The following MLLT3 variants were observed in gnomAD, a reference collection of about 807,000 sequenced individuals.
MLLT3 encodes MLLT3 super elongation complex subunit.
In MLLT3, 4 loss-of-function variants were observed where a neutral mutation model predicts 53.2. The observed-to-expected ratio is 0.08, with a 90% CI of 0.04 to 0.17. The LOEUF (loss-of-function observed/expected upper bound fraction) is 0.17. Among genes scored for constraint, MLLT3 ranks in the 10% least tolerant of loss-of-function variants. The pLI is 1.00. For synonymous variants in MLLT3, 283 were observed against 230.6 expected, an observed-to-expected ratio of 1.23 and a Z score of -2.06; for missense variants, 569 against 684.0, an observed-to-expected ratio of 0.83 and a Z score of 1.87.
At chr9:20,551,886 G>A (rs1231911940) in intron 2 of MLLT3, among the ~76,000 whole-genome samples, 10 of 152,094 alleles carry the variant, frequency 6.6e-5, no homozygotes, top group African/African-American at 1.9e-4. Flanking sequence ...GTAACCTCAC[G>A]AAATTCATGT....
At chr9:20,472,739 A>C (rs185429637) in intron 2 of MLLT3, among the ~76,000 whole-genome samples, 2 of 152,224 alleles carry the variant, frequency 1.3e-5, no homozygotes, top group Admixed American at 6.5e-5. Context: ...AAGCAAACCA[A>C]ATTTAGAAAT....
Position 20,414,398 on chromosome 9 carries a change from T to A in MLLT3, c.448A>T (p.Ser150Cys), listed in dbSNP as rs369475839. Residue 150 changes from serine to cysteine, a missense_variant, in exon 5 of 11, where the codon AGC becomes TGC. Physicochemically the swap from Ser to Cys is moderately radical, Grantham distance 112 (BLOSUM62 -1). Coordinates refer to ENST00000380338, the MANE Select transcript of MLLT3 (RefSeq NM_004529.4). ...CTGCTACTGCTGCTGCTGCTGCTGC[T>A]GCTGGTATGAATACTCCTATTAGGG... ...GDPNRSIHTS[S>C]SSSSSSSSSS... is the part of the protein sequence containing the mutation. The A allele has an allele frequency of 3.1e-6, 5 of 1,608,880 alleles. No homozygotes were observed. Among genetic ancestry groups the A allele is most frequent in the Non-Finnish European group, 4.2e-6 (5 of 1,179,994 alleles).
At chr9:20,604,459 T>C (rs1429067580) in intron 2 of MLLT3, among the ~76,000 whole-genome samples, 1 of 152,070 alleles carries the variant, frequency 6.6e-6, no homozygotes, top group Non-Finnish European at 1.5e-5. Context: ...TCTGTCCCAA[T>C]ATAAGCAAAA....
rs149383128 is a variant in MLLT3, at chr9:20,550,066, T to C, written c.193+70588A>G. Among the ~76,000 whole-genome samples the C allele has an allele frequency of 6.0e-4, 91 of 152,304 alleles. 1 individual carries two copies. The East Asian group carries it at 0.015, about 26-fold the overall frequency. ...ATCATGAACTCCAAACCCACTTCAA[T>C]AATGGGGGCATGGACACACGCATTA... On this transcript the variant is annotated intron_variant, in intron 2 of 10. Coordinates refer to ENST00000380338, the MANE Select transcript of MLLT3 (RefSeq NM_004529.4).
rs117670249 is a variant in MLLT3 at position 20,507,206 on chromosome 9, A to G, written c.194-50420T>C. Among the ~76,000 whole-genome samples the G allele has an allele frequency of 6.1e-4, 92 of 151,694 alleles. No homozygotes were observed. In the East Asian group the frequency reaches 0.016, roughly 26 times the overall value. The stretch of plus-strand genomic sequence containing the variant: ...GGGAAAGGGGACTAGCTGAATCCAG[A>G]TCAAGTTCCACCGATATCTACCTCT... On this transcript the variant is annotated intron_variant, in intron 2 of 10. Transcript: ENST00000380338.
chr9:20,371,674 T>C (rs531729973), intron 5 of MLLT3, among the ~76,000 whole-genome samples: 3 of 152,348 alleles, frequency 2.0e-5, no homozygotes, highest in Admixed American at 2.0e-4. Context: ...TCATTGACAA[T>C]GTACCTGGTC....
At chr9:20,444,441 A>T (rs1470400136) in intron 4 of MLLT3, among the ~76,000 whole-genome samples, 1 of 152,188 alleles carries the variant, frequency 6.6e-6, no homozygotes, top group Non-Finnish European at 1.5e-5. Context: ...CAAAGAATAA[A>T]GATCTCAAAG....
chr9:20,458,369 C>T (rs1483099533), intron 2 of MLLT3, among the ~76,000 whole-genome samples: 1 of 152,144 alleles, frequency 6.6e-6, no homozygotes, highest in East Asian at 1.9e-4. Context: ...TACTTGGGTA[C>T]CAATCCATGA....
intron 2 of MLLT3, among the ~76,000 whole-genome samples, chr9:20,601,924 C>T (rs1820432359): frequency 6.6e-6 from 1 of 152,244 alleles, no homozygotes; most frequent in Non-Finnish European, 1.5e-5. Flanking sequence ...ATTCCTCTGG[C>T]TCTTTGATAT....
chr9:20,474,503 C>T (rs1345655149), intron 2 of MLLT3, among the ~76,000 whole-genome samples: 1 of 152,180 alleles, frequency 6.6e-6, no homozygotes. Context: ...ATACACGAGT[C>T]TCCTCATCCA....
intron 2 of MLLT3, among the ~76,000 whole-genome samples, chr9:20,498,561 G>A (rs1018361801): frequency 4.6e-5 from 7 of 152,312 alleles, no homozygotes; most frequent in Non-Finnish European, 1.0e-4. Flanking sequence ...GCCACATGCA[G>A]CCCAAGATGG....
rs141489808 is a variant in MLLT3, at chr9:20,390,930, T to C, written c.1125+22791A>G. On this transcript the variant is annotated intron_variant, in intron 5 of 10. Coordinates refer to ENST00000380338, the MANE Select transcript of MLLT3 (RefSeq NM_004529.4). ...GAGTTCAAGACTTGCCTAGGCAACA[T>C]AGTGAAATCCCATCTCATTTTTTGA... Among the ~76,000 whole-genome samples the C allele has an allele frequency of 2.7e-3, 414 of 152,310 alleles. 2 individuals are homozygous for C. The highest frequency in any genetic ancestry group is 8.9e-3 in the African/African-American group (368 of 41,580).
At chr9:20,397,464 T>C (rs1230848794) in intron 5 of MLLT3, among the ~76,000 whole-genome samples, 1 of 152,108 alleles carries the variant, frequency 6.6e-6, no homozygotes, top group Non-Finnish European at 1.5e-5. Context: ...AGAGAATTGT[T>C]ATCAGTGCAG....
intron 5 of MLLT3, among the ~76,000 whole-genome samples, chr9:20,403,393 A>G (rs562273275): frequency 1.3e-5 from 2 of 152,236 alleles, no homozygotes; most frequent in Non-Finnish European, 2.9e-5. Flanking sequence ...TACAGGCCCA[A>G]TGAAGATAAA....
chr9:20,371,937 GAGA>G (rs1490966230), intron 5 of MLLT3, among the ~76,000 whole-genome samples: 4 of 152,136 alleles, frequency 2.6e-5, no homozygotes, highest in Non-Finnish European at 4.4e-5. Flanking sequence ...TGATTCACAA[GAGA>G]AGATCAAAAT....
At chr9:20,416,586 A>C (rs1822878133) in intron 4 of MLLT3, among the ~76,000 whole-genome samples, 1 of 152,118 alleles carries the variant, frequency 6.6e-6, no homozygotes, top group South Asian at 2.1e-4. Flanking sequence ...AATTACATGC[A>C]TATAATGCTA....
rs184644876 is a variant in MLLT3 at position 20,555,971 on chromosome 9, A to T, written c.193+64683T>A. 5.3e-4 allele frequency among the ~76,000 whole-genome samples: 81 copies of T among 152,354 alleles called. 1 individual carries two copies. Among genetic ancestry groups the T allele is most frequent in the Admixed American group, 5.1e-3 (78 of 15,302 alleles). On this transcript the variant is annotated intron_variant, in intron 2 of 10. Transcript: ENST00000380338. ...TGCCATATAACTTCAGAAAAACTCCAAACAATTGACTGGCACTGCTATAAT... is the reference window on the plus strand; with the variant it reads ...TGCCATATAACTTCAGAAAAACTCCTAACAATTGACTGGCACTGCTATAAT...
chr9:20,408,144 TA>T (rs1563953873), intron 5 of MLLT3, among the ~76,000 whole-genome samples: 11 of 152,178 alleles, frequency 7.2e-5, no homozygotes, highest in Admixed American at 1.3e-4. Context: ...TTTGCAAAGA[TA>T]GAGCCCCTGT....
At position 20,346,401 on chromosome 9, in the gene MLLT3, A is replaced by T; in HGVS notation, c.*42T>A. On this transcript the variant is annotated 3_prime_UTR_variant, in exon 11 of 11. Coordinates refer to ENST00000380338, the MANE Select transcript of MLLT3 (RefSeq NM_004529.4). Reference sequence around the variant, plus strand: ...AACCAAAAAAAAAAAAAACCAAAAAAAAAAAACACAATAGTTCTTGATGCA... The same window carrying T: ...AACCAAAAAAAAAAAAAACCAAAAATAAAAAACACAATAGTTCTTGATGCA... 1 of 1,455,850 alleles carries T rather than the reference A, an allele frequency of 6.9e-7. No individual in the cohort carries two copies. 90.2% of individuals were successfully genotyped at this position (1,455,850 alleles called of 1,614,324 possible). A position where few individuals can be genotyped will look rare whatever the true frequency, so the allele number is the denominator to read the frequency against.
Sources: allele counts gnomAD v4.1 joint callset (sites outside exome capture counted in the v4.1 genomes callset), GRCh38; gene constraint gnomAD v4.1.1; transcripts MANE v1.5; gene names NCBI Gene and HGNC (gene_info 2026-07-23, HGNC 2026-07-21).